The following TLN1 variants were observed in gnomAD, a reference collection of about 807,000 sequenced individuals.
TLN1 encodes the protein talin 1.
A neutral mutation model predicts 292.3 loss-of-function variants in TLN1; 56 were observed. That is an observed-to-expected ratio of 0.19 (90% CI 0.15 to 0.24). TLN1 has a LOEUF of 0.24. TLN1 is among the 10% of genes least tolerant of loss of function. The probability of loss-of-function intolerance (pLI) is 1.00; values close to 1 mark genes in which losing one functional copy is unlikely to be tolerated. For synonymous variants in TLN1, 1,119 were observed against 1,253.7 expected (o/e 0.89, Z 2.27); for missense variants, 2,433 against 3,248.2 (o/e 0.75, Z 6.10).
In TLN1 at chr9:35,724,115, G is replaced by A. The variant is rs775304125; in HGVS notation, c.655-36C>T. 3 of 1,612,674 alleles carry A rather than the reference G, an allele frequency of 1.9e-6. No individual in the cohort carries two copies. Among genetic ancestry groups the A allele is most frequent in the Non-Finnish European group, 2.5e-6 (3 of 1,178,774 alleles). ...CAGGGCAAGGAGGCGAATGTTGTGT[G>A]TGGGTGCAAGGACACGCACACTGTG... On this transcript the variant is annotated intron_variant, in intron 6 of 56. Transcript: ENST00000314888. This position sits in a 1 kb window ranked among gnomAD's most constrained non-coding sequence, Gnocchi z 4.7.
At position 35,717,975 on chromosome 9, in the gene TLN1, A is replaced by ACCCACACCAAGAGAAAATACAG. The variant is rs1825814971; in HGVS notation, c.1996-211_1996-190dup. 1.3e-5 allele frequency among the ~76,000 whole-genome samples: 2 copies of ACCCACACCAAGAGAAAATACAG among 152,090 alleles called. No homozygotes were observed. Among genetic ancestry groups the ACCCACACCAAGAGAAAATACAG allele is most frequent in the Non-Finnish European group, 2.9e-5 (2 of 68,006 alleles). On this transcript the variant is annotated intron_variant, in intron 17 of 56. Transcript: ENST00000314888. This position sits in a 1 kb window ranked among gnomAD's most constrained non-coding sequence, Gnocchi z 4.7. ...GGACAGAACCCCCACCGAGGAACAA[A>ACCCACACCAAGAGAAAATACAG]CCCACACCAAGAGAAAATACAGCCT...
In TLN1 at chr9:35,698,714, T is replaced by G. The variant is rs754746671; in HGVS notation, c.7126-35A>C. 3 of 1,614,060 alleles carry G rather than the reference T, an allele frequency of 1.9e-6. No individual in the cohort carries two copies. Among genetic ancestry groups the G allele is most frequent in the Non-Finnish European group, 2.5e-6 (3 of 1,180,020 alleles). On this transcript the variant is annotated intron_variant, in intron 53 of 56. Transcript: ENST00000314888. The surrounding 1 kb of genome is among the most constrained non-coding windows in gnomAD (Gnocchi z 5.3). ...GGAGAAGAGCCTACTTAGACCTGCA[T>G]TTTCCTCACTTCAAAGACTCGCTGG...
intron 17 of TLN1, 114 bp downstream of exon 17, chr9:35,718,698 G>GCT (rs932646554): frequency 1.2e-6 from 1 of 800,616 alleles, no homozygotes; most frequent in Non-Finnish European, 2.1e-6. Context: ...GGAAATAGAG[G>GCT]TTCAGATTGG....
rs748526714 is a variant in TLN1 at position 35,721,809 on chromosome 9, A to T, written c.949-6T>A. ...TTCTTCCCTTTCATTTTTTCCTATG[A>T]GGCAGAGGTTGGTGTTGGTGTTACA... On this transcript the variant is annotated splice_region_variant and splice_polypyrimidine_tract_variant and intron_variant, in intron 9 of 56. Coordinates refer to ENST00000314888, the MANE Select transcript of TLN1 (RefSeq NM_006289.4). The T allele has an allele frequency of 5.6e-6, 9 of 1,606,952 alleles. No homozygotes were observed. In the African/African-American group the frequency reaches 1.1e-4, roughly 19 times the overall value.
rs913035878 is a variant in TLN1, at chr9:35,711,929, G to C, written c.3681+76C>G. The C allele has an allele frequency of 1.1e-5, 18 of 1,595,434 alleles. No homozygotes were observed. In the African/African-American group the frequency reaches 1.7e-4, roughly 15 times the overall value. On this transcript the variant is annotated intron_variant, in intron 28 of 56. Coordinates refer to ENST00000314888, the MANE Select transcript of TLN1 (RefSeq NM_006289.4). Reference sequence around the variant, plus strand: ...CAGATCTGGGAAGTCAGGGTCAAAGGACAACCGAGAGGGAGGAAGGAGAGG... The same window carrying C: ...CAGATCTGGGAAGTCAGGGTCAAAGCACAACCGAGAGGGAGGAAGGAGAGG...
At chr9:35,712,215 T>G (rs1825685920) in intron 27 of TLN1, 91 bp from the exon 28 acceptor site, 4 of 1,469,634 alleles carry the variant, frequency 2.7e-6, no homozygotes, top group South Asian at 1.4e-5. Flanking sequence ...CTAGCTCTAC[T>G]GCCTCTGAAA....
In TLN1 at chr9:35,711,693, G is replaced by T. The variant is rs775265211; in HGVS notation, c.3781C>A (p.Arg1261=). The T allele has an allele frequency of 6.2e-7, 1 of 1,614,196 alleles. No homozygotes were observed. Among genetic ancestry groups the T allele is most frequent in the Middle Eastern group, 1.7e-4 (1 of 6,058 alleles). ...QAATELVQAS[R]GTPQDLARAS... ...CGAGCCAGGTCCTGAGGGGTTCCCC[G>T]AGAGGCCTGCACCAGTTCTGTGGCT... The change falls in exon 29 of 57, where the codon CGG becomes AGG. Residue 1261 remains arginine, a synonymous_variant. Transcript: ENST00000314888.
chr9:35,710,715 G>C, intron 32 of TLN1, 32 bp from the exon 33 acceptor site: 1 of 1,613,672 alleles, frequency 6.2e-7, no homozygotes, highest in Non-Finnish European at 8.5e-7. Flanking sequence ...GGGAGTCAGA[G>C]CATGTCCTCA....
At chr9:35,716,248 T>C in intron 20 of TLN1, 142 bp downstream of exon 20, 2 of 886,560 alleles carry the variant, frequency 2.3e-6, no homozygotes, top group South Asian at 1.9e-5. Context: ...TTGGGGCTCA[T>C]TCATTTCCTG....
Position 35,697,604 on chromosome 9 carries a change from A to G in TLN1, c.*187T>C, listed in dbSNP as rs964777967. Reference sequence around the variant, plus strand: ...GGCACTTGGGGGGCCCTAGGGCATGAAGGCACTTGGGGTTGGGGAGGGGAC... The same window carrying G: ...GGCACTTGGGGGGCCCTAGGGCATGGAGGCACTTGGGGTTGGGGAGGGGAC... On this transcript the variant is annotated 3_prime_UTR_variant, in exon 57 of 57. Coordinates refer to ENST00000314888, the MANE Select transcript of TLN1 (RefSeq NM_006289.4). 9.7e-5 allele frequency: 75 copies of G among 773,798 alleles called. No individual in the cohort carries two copies. The highest frequency in any genetic ancestry group is 1.4e-4 in the Admixed American group (5 of 35,220). 47.9% of individuals were successfully genotyped at this position (773,798 alleles called of 1,614,324 possible).
chr9:35,725,991 C>G (rs1165437212), intron 1 of TLN1, among the ~76,000 whole-genome samples: 1 of 152,136 alleles, frequency 6.6e-6, no homozygotes, highest in Non-Finnish European at 1.5e-5. Flanking sequence ...CAGCTCGCTG[C>G]AAGCTCCGCC....
At position 35,707,971 on chromosome 9, in the gene TLN1, G is replaced by C. The variant is rs115349863; in HGVS notation, c.4471-79C>G. 639 of 1,538,322 alleles carry C rather than the reference G, an allele frequency of 4.2e-4. 2 individuals carry two copies. Among genetic ancestry groups the C allele is most frequent in the African/African-American group, 3.8e-3 (280 of 73,334 alleles). On this transcript the variant is annotated intron_variant, in intron 34 of 56. Transcript: ENST00000314888. The surrounding 1 kb of genome is among the most constrained non-coding windows in gnomAD (Gnocchi z 5.6). ...CCAAGGAGGAGCCATTTTAGGGTCA[G>C]GGGATGGAGAGCAATACCCTGAGGA...
chr9:35,709,981 G>A (rs1322720221), intron 33 of TLN1, among the ~76,000 whole-genome samples: 1 of 148,428 alleles, frequency 6.7e-6, no homozygotes, highest in Admixed American at 6.7e-5. Context: ...GGGAGGCCGA[G>A]GCAGGTGGAT....
intron 33 of TLN1, among the ~76,000 whole-genome samples, chr9:35,708,933 A>T (rs1010428929): frequency 1.3e-5 from 2 of 152,258 alleles, no homozygotes; most frequent in African/African-American, 2.4e-5. Context: ...TCACATTTAT[A>T]GCACCTCCAT....
intron 29 of TLN1, 70 bp from the exon 30 acceptor site, chr9:35,711,464 C>G: frequency 9.9e-6 from 16 of 1,608,300 alleles, no homozygotes; most frequent in Non-Finnish European, 1.3e-5. Context: ...GATCTTCTTT[C>G]CCAGACACTC....
At position 35,710,634 on chromosome 9, in the gene TLN1, T is replaced by C. The variant is rs1423982729; in HGVS notation, c.4253A>G (p.Asn1418Ser). 6.2e-7 allele frequency: 1 copy of C among 1,614,070 alleles called. No individual in the cohort carries two copies. The highest frequency in any genetic ancestry group is 8.5e-7 in the Non-Finnish European group (1 of 1,180,044). The part of the protein sequence containing the change: ...TGISQNAKNG[N>S]LPEFGDAIST... ...AATGGCATCTCCAAACTCTGGCAGG[T>C]TTCCGTTCTTGGCATTTTGGGAGAT... The change falls in exon 33 of 57, where the codon AAC becomes AGC. Residue 1418 changes from asparagine to serine, a missense_variant. This residue lies in a region of TLN1 where 1,384 missense variants were observed against 1,699.6 expected (regional missense o/e 0.81). Transcript: ENST00000314888.
intron 19 of TLN1, 100 bp from the exon 20 acceptor site, chr9:35,716,656 G>A: frequency 1.6e-6 from 2 of 1,274,570 alleles, no homozygotes; most frequent in Non-Finnish European, 1.1e-6. Flanking sequence ...AGGTAGATGG[G>A]GGCTTTAGGG....
In TLN1 at chr9:35,706,431, C is replaced by T. The variant is rs1825566567; in HGVS notation, c.5190+19G>A. 2 of 1,613,904 alleles carry T rather than the reference C, an allele frequency of 1.2e-6. No homozygotes were observed. Among genetic ancestry groups the T allele is most frequent in the Admixed American group, 3.3e-5 (2 of 59,982 alleles). ...TCTCACCCTACTCCCTGGGACTTCCCATGAGTCTCCATAGGTACCTTGTGT... is the reference window on the plus strand; with the variant it reads ...TCTCACCCTACTCCCTGGGACTTCCTATGAGTCTCCATAGGTACCTTGTGT... On this transcript the variant is annotated intron_variant, in intron 39 of 56. Coordinates refer to ENST00000314888, the MANE Select transcript of TLN1 (RefSeq NM_006289.4). The surrounding 1 kb of genome is among the most constrained non-coding windows in gnomAD (Gnocchi z 4.2).
intron 43 of TLN1, 77 bp downstream of exon 43, chr9:35,705,474 G>T: frequency 7.1e-7 from 1 of 1,409,316 alleles, no homozygotes; most frequent in Non-Finnish European, 9.5e-7. Flanking sequence ...CAGAGAGGGT[G>T]GGGGTGGGAC....
Sources: allele counts gnomAD v4.1 joint callset (sites outside exome capture counted in the v4.1 genomes callset), GRCh38; gene constraint gnomAD v4.1.1; regional missense constraint gnomAD v4.1.1; non-coding constraint Gnocchi (gnomAD v3.1); transcripts MANE v1.5; gene names NCBI Gene and HGNC (gene_info 2026-07-23, HGNC 2026-07-21).